NHLRC2: variants seen among roughly 807,000 people sequenced by gnomAD.
NHLRC2 encodes the protein NHL repeat-containing protein 2.
NHLRC2 carries 33 observed loss-of-function variants against 68.1 expected under a neutral mutation model. The ratio of observed to expected loss-of-function variants is 0.48; its 90% CI spans 0.37 to 0.65. The LOEUF is 0.65. Ranked by LOEUF, NHLRC2 falls within the 30% of genes least tolerant of loss-of-function variation. The pLI is 0.00. For missense variants in NHLRC2, 761 were observed against 853.8 expected, an observed-to-expected ratio of 0.89 and a Z score of 1.35; for synonymous variants, 311 against 309.6, an observed-to-expected ratio of 1.00 and a Z score of -0.05.
Position 113,911,930 on chromosome 10 carries a change from G to A in NHLRC2, c.*3394G>A, listed in dbSNP as rs532841367. On this transcript the variant is annotated 3_prime_UTR_variant, in exon 11 of 11. Coordinates refer to ENST00000369301, the MANE Select transcript of NHLRC2 (RefSeq NM_198514.4). The stretch of plus-strand genomic sequence containing the variant: ...GTTATTTTTAAAATCACGGTGGGGG[G>A]AAACCCATAAAGTTTAAAGAGTTAA... 1.3e-5 allele frequency: 2 copies of A among 151,906 alleles called. No homozygotes were observed. Among genetic ancestry groups the A allele is most frequent in the Admixed American group, 6.5e-5 (1 of 15,278 alleles). 9.4% of individuals were successfully genotyped at this position (151,906 alleles called of 1,614,324 possible). A position where few individuals can be genotyped will look rare whatever the true frequency, so the allele number is the denominator to read the frequency against.
chr10:113,860,719 G>C (rs1359566263), intron 2 of NHLRC2, among the ~76,000 whole-genome samples: 2 of 152,074 alleles, frequency 1.3e-5, no homozygotes, highest in Non-Finnish European at 2.9e-5. Flanking sequence ...ATACAATAAA[G>C]AGAAAACCTA....
intron 5 of NHLRC2, among the ~76,000 whole-genome samples, chr10:113,889,666 C>T (rs1846114051): frequency 6.6e-6 from 1 of 151,840 alleles, no homozygotes; most frequent in South Asian, 2.1e-4. Flanking sequence ...TAACTTTTAC[C>T]ACAGTCAAGA....
intron 6 of NHLRC2, among the ~76,000 whole-genome samples, chr10:113,901,134 T>G (rs1174873497): frequency 1.3e-5 from 2 of 152,206 alleles, no homozygotes; most frequent in Admixed American, 1.3e-4. Flanking sequence ...ATTATATTAT[T>G]TTTCATATAA....
intron 5 of NHLRC2, among the ~76,000 whole-genome samples, chr10:113,884,681 A>C (rs1172287849): frequency 1.3e-5 from 2 of 151,362 alleles, no homozygotes; most frequent in Admixed American, 1.3e-4. Context: ...TCTTATACTG[A>C]AAGGATTATA....
At chr10:113,868,008 A>G (rs1310563395) in intron 2 of NHLRC2, among the ~76,000 whole-genome samples, 3 of 152,172 alleles carry the variant, frequency 2.0e-5, no homozygotes, top group Non-Finnish European at 4.4e-5. Flanking sequence ...GGTTAGTCAG[A>G]GACAAGGTCT....
chr10:113,858,604 C>T lies in NHLRC2; in HGVS notation c.255C>T (p.Phe85=). 6.2e-7 allele frequency: 1 copy of T among 1,608,874 alleles called. No homozygotes were observed. Among genetic ancestry groups the T allele is most frequent in the Non-Finnish European group, 8.5e-7 (1 of 1,175,300 alleles). The change falls in exon 2 of 11, where the codon TTC becomes TTT. Residue 85 remains phenylalanine, a synonymous_variant. Coordinates refer to ENST00000369301, the MANE Select transcript of NHLRC2 (RefSeq NM_198514.4). The part of the protein sequence containing the change: ...DLCGKIVVLD[F]FTYCCINCIH... ...GTGGAAAAATAGTCGTCCTTGATTT[C>T]TTCACCTACTGCTGCATAAACTGTA...
At chr10:113,884,831 G>A (rs1192936244) in intron 5 of NHLRC2, among the ~76,000 whole-genome samples, 1 of 151,452 alleles carries the variant, frequency 6.6e-6, no homozygotes, top group Non-Finnish European at 1.5e-5. Context: ...TTTTGCTTTA[G>A]ATTTAAAAAA....
chr10:113,908,912 A>G lies in NHLRC2; in HGVS notation c.*376A>G, dbSNP rs928260305. 5.7e-5 allele frequency: 10 copies of G among 176,032 alleles called. No individual in the cohort carries two copies. The highest frequency in any genetic ancestry group is 2.3e-4 in the Admixed American group (4 of 17,468). 10.9% of individuals were successfully genotyped at this position (176,032 alleles called of 1,614,324 possible). A position where few individuals can be genotyped will look rare whatever the true frequency, so the allele number is the denominator to read the frequency against. Reference sequence around the variant, plus strand: ...ACTTTTTCTACCTTTATTAATAGCAATCAGCACACTTGAATGTGTAAATTT... The same window carrying G: ...ACTTTTTCTACCTTTATTAATAGCAGTCAGCACACTTGAATGTGTAAATTT... On this transcript the variant is annotated 3_prime_UTR_variant, in exon 11 of 11. Coordinates refer to ENST00000369301, the MANE Select transcript of NHLRC2 (RefSeq NM_198514.4).
Position 113,908,640 on chromosome 10 carries a change from A to G in NHLRC2, c.*104A>G. On this transcript the variant is annotated 3_prime_UTR_variant, in exon 11 of 11. Coordinates refer to ENST00000369301, the MANE Select transcript of NHLRC2 (RefSeq NM_198514.4). ...ACTTCAGTTCTGCCTCTGGATACCAAGATGCCCATTGCTCAGTTCAGACAA... is the reference window on the plus strand; with the variant it reads ...ACTTCAGTTCTGCCTCTGGATACCAGGATGCCCATTGCTCAGTTCAGACAA... The G allele has an allele frequency of 9.6e-7, 1 of 1,038,978 alleles. No homozygotes were observed. 64.4% of individuals were successfully genotyped at this position (1,038,978 alleles called of 1,614,324 possible). A position where few individuals can be genotyped will look rare whatever the true frequency, so the allele number is the denominator to read the frequency against.
chr10:113,902,355 T>G, intron 7 of NHLRC2, 116 bp from the exon 8 acceptor site: 1 of 680,246 alleles, frequency 1.5e-6, no homozygotes, highest in Admixed American at 2.9e-5. Context: ...AAAATCAGCA[T>G]TTTCCCTTTT....
intron 3 of NHLRC2, among the ~76,000 whole-genome samples, chr10:113,878,085 A>G (rs1846001347): frequency 6.6e-6 from 1 of 152,230 alleles, no homozygotes; most frequent in African/African-American, 2.4e-5. Context: ...CTTTTGATAC[A>G]GTTATTCTTT....
Position 113,855,051 on chromosome 10 carries a change from G to T in NHLRC2, c.178+1G>T. On this transcript the variant is annotated splice_donor_variant, in intron 1 of 10. Transcript: ENST00000369301. LOFTEE classifies it high-confidence loss of function. ...TTGTCAGTACCCGAGTTTCCGGAAG[G>T]TGAGGGGCTGGCGTCGGGGTGGGGG... The T allele has an allele frequency of 1.3e-6, 2 of 1,551,418 alleles. No homozygotes were observed. Among genetic ancestry groups the T allele is most frequent in the South Asian group, 1.2e-5 (1 of 84,052 alleles).
At position 113,912,630 on chromosome 10, in the gene NHLRC2, A is replaced by G. The variant is rs942206048; in HGVS notation, c.*4094A>G. ...ATCTTAACCAAAAAGTTTCACTTCA[A>G]TGGTGGTGCTTCACAAAATCTTCAA... On this transcript the variant is annotated 3_prime_UTR_variant, in exon 11 of 11. Coordinates refer to ENST00000369301, the MANE Select transcript of NHLRC2 (RefSeq NM_198514.4). 8.5e-5 allele frequency: 13 copies of G among 152,214 alleles called. No individual in the cohort carries two copies. Among genetic ancestry groups the G allele is most frequent in the African/African-American group, 1.4e-4 (6 of 41,460 alleles). 9.4% of individuals were successfully genotyped at this position (152,214 alleles called of 1,614,324 possible).
intron 2 of NHLRC2, among the ~76,000 whole-genome samples, chr10:113,864,791 G>A (rs1181851472): frequency 6.6e-6 from 1 of 151,964 alleles, no homozygotes; most frequent in Non-Finnish European, 1.5e-5. Context: ...ACCACTGGGA[G>A]GGTTACACTC....
At chr10:113,905,306 A>C (rs1016037695) in intron 10 of NHLRC2, among the ~76,000 whole-genome samples, 5 of 152,158 alleles carry the variant, frequency 3.3e-5, no homozygotes, top group Non-Finnish European at 7.4e-5. Flanking sequence ...CCTATACCTC[A>C]TCCCTTATTC....
rs750570332 is a variant in NHLRC2, at chr10:113,908,297, C to T, written c.1942C>T (p.Gln648Ter). ...ATTTTTAGGCAATGAATGGCTACTT[C>T]AAGGACAGATAGCAGCTGGAGATAT... ...LTAEGNEWLLQGQIAAGDIEN... is the reference protein window; with the variant it reads ...LTAEGNEWLL Residue 648 changes from glutamine (Q) to a stop codon, truncating the protein, a stop_gained, in exon 11 of 11, where the codon CAA becomes TAA. Transcript: ENST00000369301. LOFTEE classifies it high-confidence loss of function. 1 of 1,613,306 alleles carries T rather than the reference C, an allele frequency of 6.2e-7. No homozygotes were observed. Among genetic ancestry groups the T allele is most frequent in the East Asian group, 2.2e-5 (1 of 44,872 alleles).
chr10:113,903,658 T>G lies in NHLRC2; in HGVS notation c.1626T>G (p.Asn542Lys). 1 of 1,605,822 alleles carries G rather than the reference T, an allele frequency of 6.2e-7. No individual in the cohort carries two copies. Among genetic ancestry groups the G allele is most frequent in the Non-Finnish European group, 8.5e-7 (1 of 1,172,596 alleles). ...NEPGGLCIGENGELLYVADTN... is the reference protein window; with the variant it reads ...NEPGGLCIGEKGELLYVADTN... The stretch of plus-strand genomic sequence containing the variant: ...CAGGAGGCTTGTGTATTGGAGAGAA[T>G]GGAGAATTATTATATGTAGCAGACA... Residue 542 changes from asparagine to lysine, a missense_variant, in exon 9 of 11, where the codon AAT becomes AAG. Asn to Lys is a moderately conservative substitution (Grantham distance 94). Coordinates refer to ENST00000369301, the MANE Select transcript of NHLRC2 (RefSeq NM_198514.4).
In NHLRC2 at chr10:113,913,842, G is replaced by GTTTTTT. The variant is rs1204774026; in HGVS notation, c.*5310_*5311insTTTTTT. The GTTTTTT allele has an allele frequency of 4.4e-5, 6 of 134,976 alleles. No homozygotes were observed. The highest frequency in any genetic ancestry group is 1.4e-4 in the African/African-American group (5 of 35,426). 8.4% of individuals were successfully genotyped at this position (134,976 alleles called of 1,614,324 possible). A position where few individuals can be genotyped will look rare whatever the true frequency, so the allele number is the denominator to read the frequency against. On this transcript the variant is annotated 3_prime_UTR_variant, in exon 11 of 11. Coordinates refer to ENST00000369301, the MANE Select transcript of NHLRC2 (RefSeq NM_198514.4). ...GCATTAGGTACTTTTTGTTGTTGTT[G>GTTTTTT]TTTTGTTTTTTTTTTTTTTTTTTGA...
At position 113,910,100 on chromosome 10, in the gene NHLRC2, T is replaced by A. The variant is rs1846312740; in HGVS notation, c.*1564T>A. 6.6e-6 allele frequency: 1 copy of A among 152,202 alleles called. No homozygotes were observed. Among genetic ancestry groups the A allele is most frequent in the Admixed American group, 6.5e-5 (1 of 15,280 alleles). The allele number at this position is 152,202 out of a possible 1,614,324, so 9.4% of individuals were successfully genotyped here. ...AATCCTGTTTAAAATTATATGTAAT[T>A]ACCTCATAAACCTTTTCTCTCCACA... is the stretch of plus-strand genomic sequence containing the variant. On this transcript the variant is annotated 3_prime_UTR_variant, in exon 11 of 11. Coordinates refer to ENST00000369301, the MANE Select transcript of NHLRC2 (RefSeq NM_198514.4).
Sources: allele counts gnomAD v4.1 joint callset (sites outside exome capture counted in the v4.1 genomes callset), GRCh38; gene constraint gnomAD v4.1.1; transcripts MANE v1.5; gene names NCBI Gene and HGNC (gene_info 2026-07-23, HGNC 2026-07-21).